Variants in ZCWPW1 observed in about 807,000 individuals in gnomAD.
The protein encoded by ZCWPW1 is zinc finger CW-type PWWP domain protein 1.
A neutral mutation model predicts 81.3 loss-of-function variants in ZCWPW1; 56 were observed. The observed-to-expected ratio is 0.69, with a 90% CI of 0.56 to 0.86. The LOEUF is 0.86. Ranked by LOEUF, ZCWPW1 falls within the 40% of genes least tolerant of loss-of-function variation. ZCWPW1 has a pLI of 0.00. For synonymous variants in ZCWPW1, 250 were observed against 273.7 expected, an observed-to-expected ratio of 0.91 and a Z score of 0.86; for missense variants, 650 against 769.8, an observed-to-expected ratio of 0.84 and a Z score of 1.84.
At position 100,402,236 on chromosome 7, in the gene ZCWPW1, C is replaced by A. The variant is rs1792075225; in HGVS notation, c.1475-195G>T. On this transcript the variant is annotated intron_variant, in intron 16 of 17. Transcript: ENST00000684423. ...TCTTTTTTTCTTTTATCCCCTGGAT[C>A]TTCTTCTCTTTACAGTTCTCCTCAG... 6 of 802,334 alleles carry A rather than the reference C, an allele frequency of 7.5e-6. No homozygotes were observed. In the East Asian group the frequency reaches 9.8e-5, roughly 13 times the overall value. The allele number at this position is 802,334 out of a possible 1,614,324, so 49.7% of individuals were successfully genotyped here.
chr7:100,417,225 A>C (rs1795442618), intron 5 of ZCWPW1, 42 bp from the exon 6 acceptor site: 2 of 1,516,180 alleles, frequency 1.3e-6, no homozygotes, highest in Non-Finnish European at 1.8e-6. Flanking sequence ...CAAAAAAACG[A>C]AAAAGCCACT....
intron 8 of ZCWPW1, among the ~76,000 whole-genome samples, chr7:100,413,108 ATTC>A (rs1478061416): frequency 5.3e-5 from 8 of 152,178 alleles, no homozygotes; most frequent in Non-Finnish European, 1.0e-4. Context: ...TAACTGGTCT[ATTC>A]TTCTTTTCTC....
At position 100,419,744 on chromosome 7, in the gene ZCWPW1, TG is replaced by T; in HGVS notation, c.167del (p.Pro56GlnfsTer5). ...CCTCTTTCTTCTTTAAACTGGCCTT[TG>T]GCAGGCTTATCCTGGCCTCTGTCTC... is the stretch of plus-strand genomic sequence containing the variant. ...SPETEARISL[P>X]KASLKKKEEK... On this transcript the variant is annotated frameshift_variant, in exon 4 of 18. Coordinates refer to ENST00000684423, the MANE Select transcript of ZCWPW1 (RefSeq NM_001386010.1). LOFTEE classifies it high-confidence loss of function. 6.2e-7 allele frequency: 1 copy of T among 1,614,136 alleles called. No homozygotes were observed. Among genetic ancestry groups the T allele is most frequent in the South Asian group, 1.1e-5 (1 of 91,088 alleles).
chr7:100,402,558 G>C lies in ZCWPW1; in HGVS notation c.1432C>G (p.Arg478Gly), dbSNP rs541595434. 1.2e-6 allele frequency: 2 copies of C among 1,613,976 alleles called. No individual in the cohort carries two copies. The highest frequency in any genetic ancestry group is 1.7e-5 in the Admixed American group (1 of 59,982). ...GEKTDPILPI[R>G]KRVKIQTQKT... is the part of the protein sequence containing the mutation. ...TGGGTCTGTATTTTGACTCGCTTAC[G>C]AATGGGCAAAATTGGGTCCTGAGGA... The change falls in exon 16 of 18, where the codon CGT becomes GGT. Residue 478 changes from arginine (R) to glycine (G), a missense_variant. By Grantham distance (125) the Arg-to-Gly change is moderately radical. Transcript: ENST00000684423.
At chr7:100,411,103 A>G (rs1026179099) in intron 8 of ZCWPW1, among the ~76,000 whole-genome samples, 1 of 152,084 alleles carries the variant, frequency 6.6e-6, no homozygotes, top group Admixed American at 6.5e-5. Context: ...ATCAACCAAC[A>G]TATTTCTCCA....
At chr7:100,424,038 C>A (rs1404380133) in intron 2 of ZCWPW1, among the ~76,000 whole-genome samples, 1 of 149,866 alleles carries the variant, frequency 6.7e-6, no homozygotes, top group African/African-American at 2.5e-5. Context: ...CCATTGCACT[C>A]CAGCCTGGGC....
chr7:100,422,840 T>C (rs2130850249), intron 2 of ZCWPW1, among the ~76,000 whole-genome samples: 1 of 152,330 alleles, frequency 6.6e-6, no homozygotes, highest in South Asian at 2.1e-4. Context: ...GTATTTGGTT[T>C]TCTGTTCCTG....
chr7:100,422,441 G>A (rs1176848455), intron 2 of ZCWPW1, among the ~76,000 whole-genome samples: 1 of 152,088 alleles, frequency 6.6e-6, no homozygotes, highest in Admixed American at 6.5e-5. Context: ...GAAGAAATTA[G>A]TATCTACACA....
In ZCWPW1 at chr7:100,419,835, G is replaced by T. The variant is rs367741086; in HGVS notation, c.77C>A (p.Ser26Tyr). 6.3e-7 allele frequency: 1 copy of T among 1,596,988 alleles called. No individual in the cohort carries two copies. Among genetic ancestry groups the T allele is most frequent in the Non-Finnish European group, 8.5e-7 (1 of 1,174,454 alleles). ...KRIFAPPAQK[S>Y]YSLLPCSPNS... ...AGGGCTACAAGGTAACAGGCTGTAA[G>T]ATTTTTGTGCAGGTGGGGCAAAGAT... The change falls in exon 4 of 18, where the codon TCT becomes TAT. Residue 26 changes from serine (S) to tyrosine (Y), a missense_variant. Transcript: ENST00000684423.
intron 8 of ZCWPW1, among the ~76,000 whole-genome samples, chr7:100,412,096 T>A (rs1488271657): frequency 1.3e-5 from 2 of 152,148 alleles, no homozygotes; most frequent in African/African-American, 4.8e-5. Flanking sequence ...TCTCCTTTGC[T>A]GGGTTCTCTT....
intron 2 of ZCWPW1, among the ~76,000 whole-genome samples, chr7:100,421,815 C>T (rs1275292506): frequency 1.3e-5 from 2 of 152,150 alleles, no homozygotes; most frequent in African/African-American, 4.8e-5. Context: ...GCCTCAGCCT[C>T]CCGAGTAGCT....
chr7:100,420,510 C>T (rs1796154043), intron 3 of ZCWPW1, 112 bp downstream of exon 3: 2 of 1,268,808 alleles, frequency 1.6e-6, no homozygotes, highest in African/African-American at 3.0e-5. Flanking sequence ...AGTAATTTGA[C>T]CTGAGTGGGC....
At chr7:100,418,565 C>G (rs1314451127) in intron 5 of ZCWPW1, among the ~76,000 whole-genome samples, 1 of 151,942 alleles carries the variant, frequency 6.6e-6, no homozygotes, top group African/African-American at 2.4e-5. Context: ...CTGAGGTGGG[C>G]AGATCACTTG....
At chr7:100,407,795 C>T (rs1048779228) in intron 10 of ZCWPW1, among the ~76,000 whole-genome samples, 1 of 152,128 alleles carries the variant, frequency 6.6e-6, no homozygotes, top group African/African-American at 2.4e-5. Flanking sequence ...TGACTTCCAT[C>T]GATGCACACA....
intron 10 of ZCWPW1, 82 bp from the exon 11 acceptor site, chr7:100,407,385 G>T: frequency 8.1e-7 from 1 of 1,236,720 alleles, no homozygotes; most frequent in Non-Finnish European, 1.2e-6. Flanking sequence ...TACATGCACA[G>T]AGAAGAGCAG....
At chr7:100,425,635 T>C (rs1018938333) in intron 1 of ZCWPW1, among the ~76,000 whole-genome samples, 6 of 152,226 alleles carry the variant, frequency 3.9e-5, no homozygotes, top group South Asian at 2.1e-4. Context: ...GATTTTCTCA[T>C]GTACTTTTAC....
intron 16 of ZCWPW1, 193 bp downstream of exon 16, chr7:100,402,323 C>T: frequency 1.2e-6 from 1 of 851,708 alleles, no homozygotes; most frequent in Non-Finnish European, 2.0e-6. Context: ...CCATCTTTCA[C>T]CTCAGATTTT....
chr7:100,425,328 G>C (rs1797122150), intron 1 of ZCWPW1, among the ~76,000 whole-genome samples, 192 bp from the exon 2 acceptor site: 1 of 152,070 alleles, frequency 6.6e-6, no homozygotes, highest in Non-Finnish European at 1.5e-5. Flanking sequence ...GCTTTAATAA[G>C]AGGGGCAAAG....
At chr7:100,412,296 T>G (rs1794329777) in intron 8 of ZCWPW1, among the ~76,000 whole-genome samples, 1 of 152,244 alleles carries the variant, frequency 6.6e-6, no homozygotes, top group Non-Finnish European at 1.5e-5. Flanking sequence ...CGCCTTGCTC[T>G]TTGACATCTC....
Sources: allele counts gnomAD v4.1 joint callset (sites outside exome capture counted in the v4.1 genomes callset), GRCh38; gene constraint gnomAD v4.1.1; transcripts MANE v1.5; gene names NCBI Gene and HGNC (gene_info 2026-07-23, HGNC 2026-07-21).